Variants in NMT1 observed in about 807,000 individuals in gnomAD.
The protein encoded by NMT1 is N-myristoyltransferase 1, also known as glycylpeptide N-tetradecanoyltransferase 1.
Under a neutral mutation model 63.4 loss-of-function variants are expected in NMT1, and 12 were observed. The ratio of observed to expected loss-of-function variants is 0.19; its 90% CI spans 0.12 to 0.31. The LOEUF (loss-of-function observed/expected upper bound fraction) is 0.31. Ranked by LOEUF, NMT1 falls within the 10% of genes least tolerant of loss-of-function variation. The pLI, the probability that NMT1 is intolerant of heterozygous loss-of-function variation, is 1.00. For synonymous variants in NMT1, 228 were observed against 234.3 expected (o/e 0.97, Z 0.25); for missense variants, 432 against 634.6 (o/e 0.68, Z 3.43).
Position 45,104,986 on chromosome 17 carries a change from G to C in NMT1, c.1460G>C (p.Gly487Ala), listed in dbSNP as rs1162489791. The C allele has an allele frequency of 6.2e-7, 1 of 1,614,136 alleles. No homozygotes were observed. Among genetic ancestry groups the C allele is most frequent in the Admixed American group, 1.7e-5 (1 of 60,026 alleles). ...YLYNWKCPSM[G>A]AEKVGLVLQ The stretch of plus-strand genomic sequence containing the variant: ...TACAATTGGAAATGCCCCAGCATGG[G>C]GGCAGAGAAGGTAGGCGACACATAG... Residue 487 changes from glycine to alanine, a missense_variant, in exon 11 of 12, where the codon GGG becomes GCG. Coordinates refer to ENST00000258960, the MANE Select transcript of NMT1 (RefSeq NM_021079.5). This position sits in a 1 kb window ranked among gnomAD's most constrained non-coding sequence, Gnocchi z 4.2.
rs1233568947 is a variant in NMT1 at position 45,097,395 on chromosome 17, A to C, written c.713+151A>C. ...GCCCAGGTGCGGGGACTGCAGATTC[A>C]TCCTAGGAACCACCTGTTCTGCTCA... is the stretch of plus-strand genomic sequence containing the variant. On this transcript the variant is annotated intron_variant, in intron 6 of 11. Coordinates refer to ENST00000258960, the MANE Select transcript of NMT1 (RefSeq NM_021079.5). 32 of 697,892 alleles carry C rather than the reference A, an allele frequency of 4.6e-5. No individual in the cohort carries two copies. In the South Asian group the frequency reaches 5.0e-4, roughly 11 times the overall value. The allele number at this position is 697,892 out of a possible 1,614,324, so 43.2% of individuals were successfully genotyped here. A position where few individuals can be genotyped will look rare whatever the true frequency, so the allele number is the denominator to read the frequency against.
rs976553961 is a variant in NMT1, at chr17:45,101,714, C to T, written c.994-1237C>T. ...TGGTCATCAGTGCACACAGTCACTGCGTTCCTGCTGACATGAGGCTGCCTG... is the reference window on the plus strand; with the variant it reads ...TGGTCATCAGTGCACACAGTCACTGTGTTCCTGCTGACATGAGGCTGCCTG... On this transcript the variant is annotated intron_variant, in intron 8 of 11. Coordinates refer to ENST00000258960, the MANE Select transcript of NMT1 (RefSeq NM_021079.5). 3.9e-5 allele frequency among the ~76,000 whole-genome samples: 6 copies of T among 151,906 alleles called. No individual in the cohort carries two copies. The East Asian group carries it at 7.7e-4, about 20-fold the overall frequency.
intron 1 of NMT1, among the ~76,000 whole-genome samples, chr17:45,074,242 T>C (rs149168546): frequency 0.017 from 2,506 of 144,480 alleles, 56 homozygotes; most frequent in South Asian, 0.071. Flanking sequence ...TGAGACAGAG[T>C]CTCGCTCAGT....
chr17:45,090,196 A>G (rs1049128104), intron 3 of NMT1, among the ~76,000 whole-genome samples: 5 of 152,078 alleles, frequency 3.3e-5, no homozygotes, highest in African/African-American at 7.2e-5. Context: ...AGGTGGGAGG[A>G]TCGTTTGAGT....
At position 45,103,444 on chromosome 17, in the gene NMT1, T is replaced by TG. The variant is rs765607663; in HGVS notation, c.1165-259dup. Among the ~76,000 whole-genome samples, 15 of 152,140 alleles carry TG rather than the reference T, an allele frequency of 9.9e-5. No homozygotes were observed. The highest frequency in any genetic ancestry group is 1.8e-4 in the Non-Finnish European group (12 of 68,028). ...CTGACCAGACATAGGAGACACAGTC[T>TG]GGGGGGATGTGAGCTGCAAGAAGAG... On this transcript the variant is annotated intron_variant, in intron 9 of 11. Transcript: ENST00000258960. This position sits in a 1 kb window ranked among gnomAD's most constrained non-coding sequence, Gnocchi z 4.8.
rs1208099201 is a variant in NMT1 at position 45,103,045 on chromosome 17, C to T, written c.1088C>T (p.Thr363Met). Residue 363 changes from threonine (T) to methionine (M), a missense_variant, in exon 9 of 12, where the codon ACG becomes ATG. Around this residue, in one of 4 missense-constraint regions of NMT1, gnomAD observed 295 missense variants for 489.7 expected, o/e 0.60. Transcript: ENST00000258960. This position sits in a 1 kb window ranked among gnomAD's most constrained non-coding sequence, Gnocchi z 4.8. ...AGGTACTTGAAGCAATTTCACCTTACGCCCGTCATGAGCCAGGAGGAGGTG... is the reference window on the plus strand; with the variant it reads ...AGGTACTTGAAGCAATTTCACCTTATGCCCGTCATGAGCCAGGAGGAGGTG... ...LTRYLKQFHL[T>M]PVMSQEEVEH... is the part of the protein sequence containing the mutation. The T allele has an allele frequency of 6.8e-6, 11 of 1,613,962 alleles. No homozygotes were observed. The highest frequency in any genetic ancestry group is 4.5e-5 in the East Asian group (2 of 44,886).
intron 1 of NMT1, among the ~76,000 whole-genome samples, 198 bp from the exon 2 acceptor site, chr17:45,081,446 C>T (rs529004738): frequency 6.6e-6 from 1 of 152,318 alleles, no homozygotes; most frequent in East Asian, 1.9e-4. Context: ...CACTCCCTCC[C>T]TGAAAGCCGA....
chr17:45,067,717 T>A (rs2053911884), intron 1 of NMT1, among the ~76,000 whole-genome samples: 1 of 152,178 alleles, frequency 6.6e-6, no homozygotes, highest in Non-Finnish European at 1.5e-5. Context: ...CAAAGCAGAA[T>A]GGAAAGAGAA....
rs551788757 is a variant in NMT1, at chr17:45,103,203, A to T, written c.1164+82A>T. The stretch of plus-strand genomic sequence containing the variant: ...TGAGTGGCCGGGTTCCCAGGGCTCG[A>T]GTGTTGGCACCTTAGACTTCCTTGA... On this transcript the variant is annotated intron_variant, in intron 9 of 11. Transcript: ENST00000258960. This position sits in a 1 kb window ranked among gnomAD's most constrained non-coding sequence, Gnocchi z 4.8. The T allele has an allele frequency of 5.6e-4, 771 of 1,367,938 alleles. 5 individuals are homozygous for T. In the African/African-American group the frequency reaches 9.5e-3, roughly 17 times the overall value. 84.7% of individuals were successfully genotyped at this position (1,367,938 alleles called of 1,614,324 possible).
At chr17:45,084,075 ATCTAAG>A (rs2054034510) in intron 2 of NMT1, among the ~76,000 whole-genome samples, 2 of 152,234 alleles carry the variant, frequency 1.3e-5, no homozygotes, top group African/African-American at 4.8e-5. Flanking sequence ...AGTTTTATTA[ATCTAAG>A]TCTGACATAG....
At chr17:45,099,308 C>A in intron 7 of NMT1, 97 bp from the exon 8 acceptor site, 1 of 831,624 alleles carries the variant, frequency 1.2e-6, no homozygotes, top group Non-Finnish European at 2.1e-6. Flanking sequence ...TGATGTGTCT[C>A]TCACGCCACC....
At chr17:45,077,588 C>T (rs1372252077) in intron 1 of NMT1, among the ~76,000 whole-genome samples, 1 of 152,170 alleles carries the variant, frequency 6.6e-6, no homozygotes, top group Non-Finnish European at 1.5e-5. Context: ...CAGGGTTTCT[C>T]CTTATTGGTC....
At chr17:45,081,620 A>G (rs1567865412) in intron 1 of NMT1, 24 bp from the exon 2 acceptor site, 13 of 1,592,114 alleles carry the variant, frequency 8.2e-6, no homozygotes, top group East Asian at 2.2e-5. Context: ...TAAACCCTGC[A>G]TTAGTATTTA....
intron 1 of NMT1, among the ~76,000 whole-genome samples, chr17:45,072,660 C>T (rs2053949540): frequency 6.7e-6 from 1 of 150,238 alleles, no homozygotes. Context: ...CCCGGGTTCA[C>T]GCCATTCTCC....
chr17:45,081,383 A>G (rs2054016293), intron 1 of NMT1, among the ~76,000 whole-genome samples: 1 of 152,240 alleles, frequency 6.6e-6, no homozygotes. Context: ...TAAGCAACAT[A>G]AAAGCAAGAA....
intron 1 of NMT1, among the ~76,000 whole-genome samples, chr17:45,064,740 T>C (rs1319819331): frequency 6.6e-6 from 1 of 152,126 alleles, no homozygotes; most frequent in Non-Finnish European, 1.5e-5. Context: ...GGAGAATCAC[T>C]TGAAAACAGG....
At position 45,091,091 on chromosome 17, in the gene NMT1, A is replaced by C. The variant is rs2054084262; in HGVS notation, c.386-2594A>C. On this transcript the variant is annotated intron_variant, in intron 3 of 11. Coordinates refer to ENST00000258960, the MANE Select transcript of NMT1 (RefSeq NM_021079.5). ...GTTTCCTGTAGCTCTACTTTTTCACACCCACCCTGCCCCACATAGTCCACC... is the reference window on the plus strand; with the variant it reads ...GTTTCCTGTAGCTCTACTTTTTCACCCCCACCCTGCCCCACATAGTCCACC... 2.0e-5 allele frequency among the ~76,000 whole-genome samples: 3 copies of C among 151,708 alleles called. No homozygotes were observed. In the South Asian group the frequency reaches 6.3e-4, roughly 32 times the overall value.
At chr17:45,090,225 A>C (rs1189479844) in intron 3 of NMT1, among the ~76,000 whole-genome samples, 1 of 152,134 alleles carries the variant, frequency 6.6e-6, no homozygotes, top group Non-Finnish European at 1.5e-5. Context: ...TCGAGGCTGT[A>C]GTGAGCCATG....
At chr17:45,066,310 C>T (rs1026856556) in intron 1 of NMT1, among the ~76,000 whole-genome samples, 1 of 152,114 alleles carries the variant, frequency 6.6e-6, no homozygotes, top group African/African-American at 2.4e-5. Context: ...CTGCCTTGGC[C>T]TCCGAAAGTG....
Sources: allele counts gnomAD v4.1 joint callset (sites outside exome capture counted in the v4.1 genomes callset), GRCh38; gene constraint gnomAD v4.1.1; regional missense constraint gnomAD v4.1.1; non-coding constraint Gnocchi (gnomAD v3.1); transcripts MANE v1.5; gene names NCBI Gene and HGNC (gene_info 2026-07-23, HGNC 2026-07-21).